The following COMMD6 variants were observed in gnomAD, a reference collection of about 807,000 sequenced individuals.
COMMD6 encodes the protein COMM domain containing 6.
In COMMD6, 11 loss-of-function variants were observed where a neutral mutation model predicts 13.4. That is an observed-to-expected ratio of 0.82 (90% confidence interval 0.52 to 1.36). The LOEUF is 1.36. Among genes scored for constraint, COMMD6 ranks in the 40% most tolerant of loss-of-function variants. The pLI is 0.00. For missense variants in COMMD6, 124 were observed against 102.4 expected (o/e 1.21, Z -0.91); for synonymous variants, 43 against 36.5 (o/e 1.18, Z -0.64).
At position 75,537,644 on chromosome 13, in the gene COMMD6, C is replaced by T. The variant is rs373284337; in HGVS notation, c.54+20G>A. 33 of 1,613,570 alleles carry T rather than the reference C, an allele frequency of 2.0e-5. No homozygotes were observed. Among genetic ancestry groups the T allele is most frequent in the Non-Finnish European group, 2.5e-5 (29 of 1,179,810 alleles). ...GGAGGCAGGCTGGCGGAGGACAGGGCGGGGCGGCCGCTCACCCACCTGGTT... is the reference window on the plus strand; with the variant it reads ...GGAGGCAGGCTGGCGGAGGACAGGGTGGGGCGGCCGCTCACCCACCTGGTT... On this transcript the variant is annotated intron_variant, in intron 2 of 3. Transcript: ENST00000682242.
intron 1 of COMMD6, among the ~76,000 whole-genome samples, chr13:75,546,810 C>A (rs984093228): frequency 5.3e-5 from 8 of 152,158 alleles, no homozygotes; most frequent in African/African-American, 1.9e-4. Context: ...ATTGTGCATA[C>A]TCACAAGAAG....
intron 2 of COMMD6, among the ~76,000 whole-genome samples, chr13:75,532,561 G>A (rs2030516731): frequency 6.6e-6 from 1 of 152,216 alleles, no homozygotes. Context: ...GCTGGGTGCG[G>A]TGGCTCACGC....
upstream of COMMD6, among the ~76,000 whole-genome samples, chr13:75,538,334 G>C (rs1460188606): frequency 6.6e-6 from 1 of 152,236 alleles, no homozygotes; most frequent in Non-Finnish European, 1.5e-5. Context: ...CCTCAGTCTG[G>C]CTGCGGAATA....
At chr13:75,548,826 CT>C (rs1192952864) in intron 1 of COMMD6, among the ~76,000 whole-genome samples, 1 of 152,180 alleles carries the variant, frequency 6.6e-6, no homozygotes, top group Admixed American at 6.5e-5. Context: ...ATGACAAATC[CT>C]GCTTAAGATC....
At chr13:75,543,497 G>T (rs1014968187), upstream of COMMD6, among the ~76,000 whole-genome samples, 6 of 152,186 alleles carry the variant, frequency 3.9e-5, no homozygotes, top group African/African-American at 1.4e-4. Context: ...AATTTGTGTT[G>T]TTTTAAGCCA....
At position 75,527,895 on chromosome 13, in the gene COMMD6, T is replaced by A. The variant is rs748350587; in HGVS notation, c.208-1256A>T. On this transcript the variant is annotated intron_variant, in intron 3 of 3. Transcript: ENST00000682242. ...ATGTTAGTAAAAAGGTACAAACTTT[T>A]GGTTACAAAATGAGTAAGTCTGAGA... 8 of 1,482,440 alleles carry A rather than the reference T, an allele frequency of 5.4e-6. No homozygotes were observed. The Admixed American group carries it at 1.8e-4, about 34-fold the overall frequency. 91.8% of individuals were successfully genotyped at this position (1,482,440 alleles called of 1,614,324 possible).
At chr13:75,526,753 G>A (rs2030278847) in intron 3 of COMMD6, 114 bp from the exon 4 acceptor site, 3 of 625,554 alleles carry the variant, frequency 4.8e-6, no homozygotes, top group South Asian at 6.1e-5. Flanking sequence ...TTGCATTTTA[G>A]TGTTACATTC....
intron 2 of COMMD6, among the ~76,000 whole-genome samples, chr13:75,531,473 A>C (rs2030477398): frequency 6.6e-6 from 1 of 152,238 alleles, no homozygotes; most frequent in Non-Finnish European, 1.5e-5. Context: ...AATCTCCTAC[A>C]GCATTAAGTC....
Position 75,526,187 on chromosome 13 carries a change from CT to C in COMMD6, c.*401del, listed in dbSNP as rs1337803100. The C allele has an allele frequency of 1.3e-5, 2 of 153,328 alleles. No homozygotes were observed. Among genetic ancestry groups the C allele is most frequent in the African/African-American group, 4.8e-5 (2 of 41,458 alleles). 9.5% of individuals were successfully genotyped at this position (153,328 alleles called of 1,614,324 possible). A position where few individuals can be genotyped will look rare whatever the true frequency, so the allele number is the denominator to read the frequency against. On this transcript the variant is annotated 3_prime_UTR_variant, in exon 4 of 4. Transcript: ENST00000682242. ...GTAAAGTTATCCTAATCAAATACTA[CT>C]TTTCTAATTTATATATATTTTTATA...
intron 2 of COMMD6, among the ~76,000 whole-genome samples, chr13:75,535,062 G>A (rs141122316): frequency 1.8e-3 from 269 of 152,330 alleles, no homozygotes; most frequent in African/African-American, 5.9e-3. Flanking sequence ...GACAAGAAAG[G>A]CTATTTAGAT....
At chr13:75,529,162 C>T (rs2030373491) in intron 3 of COMMD6, among the ~76,000 whole-genome samples, 1 of 151,958 alleles carries the variant, frequency 6.6e-6, no homozygotes, top group Non-Finnish European at 1.5e-5. Flanking sequence ...AGGAACAAAC[C>T]AAACAAAAAC....
At chr13:75,548,594 G>A (rs866980481) in intron 1 of COMMD6, among the ~76,000 whole-genome samples, 53 of 152,024 alleles carry the variant, frequency 3.5e-4, no homozygotes, top group African/African-American at 1.1e-3. Flanking sequence ...CTTTCTCCGT[G>A]GCTACTGTTT....
upstream of COMMD6, chr13:75,538,795 G>A (rs2030768637): frequency 6.6e-6 from 1 of 152,186 alleles, no homozygotes; most frequent in African/African-American, 2.4e-5. Flanking sequence ...CCTTGAATTT[G>A]GTGATCATGT....
chr13:75,535,096 T>C (rs1352107005), intron 2 of COMMD6, among the ~76,000 whole-genome samples: 1 of 152,184 alleles, frequency 6.6e-6, no homozygotes, highest in Non-Finnish European at 1.5e-5. Flanking sequence ...ACCTCTTTCA[T>C]GCGGCTTTTG....
intron 2 of COMMD6, among the ~76,000 whole-genome samples, chr13:75,532,061 G>A (rs1211092603): frequency 6.6e-6 from 1 of 152,166 alleles, no homozygotes; most frequent in Non-Finnish European, 1.5e-5. Flanking sequence ...TTATGATTCA[G>A]TTCACTTAAA....
intron 2 of COMMD6, among the ~76,000 whole-genome samples, chr13:75,532,188 C>T (rs1395914432): frequency 6.6e-6 from 1 of 152,132 alleles, no homozygotes; most frequent in Non-Finnish European, 1.5e-5. Context: ...TGGTAACACT[C>T]CATTTATTGA....
At chr13:75,526,718 C>T in intron 3 of COMMD6, 79 bp from the exon 4 acceptor site, 1 of 935,954 alleles carries the variant, frequency 1.1e-6, no homozygotes, top group Non-Finnish European at 1.7e-6. Flanking sequence ...TATCTGACTA[C>T]CGGAGACTAT....
intron 2 of COMMD6, among the ~76,000 whole-genome samples, chr13:75,537,062 C>A (rs1041400632): frequency 3.3e-5 from 5 of 152,170 alleles, no homozygotes; most frequent in African/African-American, 1.2e-4. Flanking sequence ...TACCTCATCC[C>A]TTTCTTACAT....
chr13:75,544,844 T>C (rs972609042), intron 1 of COMMD6, among the ~76,000 whole-genome samples: 1 of 148,102 alleles, frequency 6.8e-6, no homozygotes, highest in Non-Finnish European at 1.5e-5. Flanking sequence ...TAGAATTGCT[T>C]GAACCTGGGA....
Sources: gnomAD v4.1 joint callset for allele counts (sites outside exome capture counted in the v4.1 genomes callset) on GRCh38, gnomAD v4.1.1 for gene constraint, MANE v1.5 for transcripts, NCBI Gene and HGNC (gene_info 2026-07-23, HGNC 2026-07-21) for gene names.